Variants in RBM47 observed in about 807,000 individuals in gnomAD.
RBM47 encodes the protein RNA-binding protein 47.
Under a neutral mutation model 47.1 loss-of-function variants are expected in RBM47, and 21 were observed. The observed-to-expected ratio is 0.45, with a 90% CI of 0.32 to 0.64. The LOEUF (loss-of-function observed/expected upper bound fraction) is 0.64. Among genes scored for constraint, RBM47 ranks in the 30% least tolerant of loss-of-function variants. The pLI is 0.05. For missense variants in RBM47, 708 were observed against 870.9 expected (o/e 0.81, Z 2.35); for synonymous variants, 375 against 361.7 (o/e 1.04, Z -0.42).
At chr4:40,453,984 A>T (rs1339193341) in intron 3 of RBM47, among the ~76,000 whole-genome samples, 2 of 152,158 alleles carry the variant, frequency 1.3e-5, no homozygotes, top group East Asian at 3.8e-4. Flanking sequence ...TATGAGTGGA[A>T]ATTTTAAATG....
intron 2 of RBM47, among the ~76,000 whole-genome samples, chr4:40,537,563 T>A (rs199928477): frequency 1.5e-5 from 1 of 68,490 alleles, no homozygotes; most frequent in African/African-American, 1.1e-4. Context: ...AATTTTTAAA[T>A]TTTTTTGTAG....
intron 5 of RBM47, among the ~76,000 whole-genome samples, chr4:40,433,998 C>CAG (rs1553876867): frequency 0.26 from 10,905 of 42,096 alleles, 2,081 homozygotes; most frequent in South Asian, 0.36. Context: ...GTGTGTGGGG[C>CAG]GGGGGTGTGT....
chr4:40,566,984 T>TC (rs1731167826), intron 1 of RBM47, among the ~76,000 whole-genome samples: 4 of 151,046 alleles, frequency 2.6e-5, no homozygotes, highest in South Asian at 2.1e-4. Context: ...CTCTTTTTTT[T>TC]CTCTATCCTT....
At chr4:40,516,241 A>G (rs535794390) in intron 2 of RBM47, among the ~76,000 whole-genome samples, 32 of 145,086 alleles carry the variant, frequency 2.2e-4, no homozygotes, top group African/African-American at 8.2e-4. Context: ...GAGGGCGATG[A>G]TTCTCTTTTT....
intron 2 of RBM47, chr4:40,475,707 T>C (rs1226052418): frequency 6.6e-6 from 1 of 152,236 alleles, no homozygotes; most frequent in African/African-American, 2.4e-5. Context: ...CCAATCTTGA[T>C]CTGGGTGCGA....
chr4:40,435,733 G>A (rs193225214), intron 5 of RBM47, among the ~76,000 whole-genome samples: 274 of 152,218 alleles, frequency 1.8e-3, no homozygotes, highest in Non-Finnish European at 2.7e-3. Context: ...ATAGGCCTGA[G>A]TAAGGAAAAG....
At chr4:40,558,893 C>T (rs1730352025) in intron 1 of RBM47, among the ~76,000 whole-genome samples, 1 of 151,240 alleles carries the variant, frequency 6.6e-6, no homozygotes, top group Admixed American at 6.6e-5. Flanking sequence ...ACTTGGGAGA[C>T]TGAGGTAGAA....
At position 40,528,945 on chromosome 4, in the gene RBM47, A is replaced by ATAAATAAATAAAT. The variant is rs1553896738; in HGVS notation, c.-155+15476_-155+15477insATTTATTTATTTA. Among the ~76,000 whole-genome samples, 2 of 92,374 alleles carry ATAAATAAATAAAT rather than the reference A, an allele frequency of 2.2e-5. 1 individual carries two copies. The highest frequency in any genetic ancestry group is 1.1e-4 in the African/African-American group (2 of 17,488). The allele number at this position is 92,374 out of a possible 152,430, so 60.6% of individuals were successfully genotyped here. The stretch of plus-strand genomic sequence containing the variant: ...GCGACAGAGCGAGACTCCGTCTCAA[A>ATAAATAAATAAAT]AAAAAAATAAATAAATAAATAAATA... On this transcript the variant is annotated intron_variant, in intron 2 of 6. Transcript: ENST00000295971.
intron 3 of RBM47, among the ~76,000 whole-genome samples, chr4:40,453,839 ATT>A (rs553811277): frequency 1.3e-5 from 2 of 149,668 alleles, no homozygotes; most frequent in African/African-American, 4.9e-5. Flanking sequence ...CAGAGGTCAA[ATT>A]TTTTTTTTTA....
chr4:40,517,126 CTCCT>C (rs1290464268), intron 2 of RBM47, among the ~76,000 whole-genome samples: 6 of 149,598 alleles, frequency 4.0e-5, no homozygotes, highest in African/African-American at 9.8e-5. Context: ...CCTTCCTTCC[CTCCT>C]TCCTTCCTTC....
intron 1 of RBM47, among the ~76,000 whole-genome samples, chr4:40,559,724 G>T (rs1045249761): frequency 6.6e-6 from 1 of 152,058 alleles, no homozygotes; most frequent in African/African-American, 2.4e-5. Context: ...GCAAAAATAG[G>T]ATTATTGTTG....
chr4:40,624,627 A>G (rs945855022), intron 1 of RBM47, among the ~76,000 whole-genome samples: 1 of 152,152 alleles, frequency 6.6e-6, no homozygotes, highest in African/African-American at 2.4e-5. Flanking sequence ...CAAAAACATT[A>G]GGCCATTGCA....
intron 2 of RBM47, among the ~76,000 whole-genome samples, chr4:40,516,330 G>A (rs1361452413): frequency 9.6e-5 from 14 of 145,618 alleles, no homozygotes; most frequent in Admixed American, 3.6e-4. Flanking sequence ...GCACAATCTC[G>A]GCTCACTGCA....
intron 1 of RBM47, among the ~76,000 whole-genome samples, chr4:40,585,359 C>G (rs1239935228): frequency 1.3e-5 from 2 of 152,166 alleles, no homozygotes; most frequent in African/African-American, 4.8e-5. Flanking sequence ...TATGGATCTT[C>G]CATTTCAGAG....
rs1398174441 is a variant in RBM47 at position 40,426,105 on chromosome 4, G to T, written c.1581C>A (p.Asn527Lys). Reference sequence around the variant, plus strand: ...TCCCGGCAGTAGGAATTCTCTGAACGTTTGGAGCCACCGTGTATACTGGAG... The same window carrying T: ...TCCCGGCAGTAGGAATTCTCTGAACTTTTGGAGCCACCGTGTATACTGGAG... ...PITPVYTVAP[N>K]VQRIPTAGIY... Residue 527 changes from asparagine (N) to lysine (K), a missense_variant, in exon 7 of 7, where the codon AAC becomes AAA. Coordinates refer to ENST00000295971, the MANE Select transcript of RBM47 (RefSeq NM_001098634.2). 1 of 1,614,192 alleles carries T rather than the reference G, an allele frequency of 6.2e-7. No individual in the cohort carries two copies. Among genetic ancestry groups the T allele is most frequent in the East Asian group, 2.2e-5 (1 of 44,888 alleles).
At chr4:40,627,174 T>A (rs1354090424) in intron 1 of RBM47, among the ~76,000 whole-genome samples, 3 of 152,152 alleles carry the variant, frequency 2.0e-5, no homozygotes, top group Non-Finnish European at 4.4e-5. Flanking sequence ...CACTGCAATA[T>A]AACCTGTAGC....
At chr4:40,554,099 C>T (rs577224545) in intron 1 of RBM47, among the ~76,000 whole-genome samples, 2 of 152,148 alleles carry the variant, frequency 1.3e-5, no homozygotes, top group Non-Finnish European at 2.9e-5. Flanking sequence ...GGACCCAGCA[C>T]GGTGCCTGGT....
chr4:40,608,564 C>T (rs923840085), intron 1 of RBM47, among the ~76,000 whole-genome samples: 1 of 152,160 alleles, frequency 6.6e-6, no homozygotes, highest in African/African-American at 2.4e-5. Context: ...TACGAAATAG[C>T]AATAAAAAGC....
chr4:40,434,703 CAAAAAAAAA>C (rs201921796), intron 5 of RBM47, among the ~76,000 whole-genome samples: 1,134 of 103,722 alleles, frequency 0.011, 11 homozygotes, highest in African/African-American at 0.032. Context: ...TTTACACAGG[CAAAAAAAAA>C]AAAAAAAAAA....
Sources: gnomAD v4.1 joint callset for allele counts (sites outside exome capture counted in the v4.1 genomes callset) on GRCh38, gnomAD v4.1.1 for gene constraint, MANE v1.5 for transcripts, NCBI Gene and HGNC (gene_info 2026-07-23, HGNC 2026-07-21) for gene names.